The following FXYD7 variants were observed in gnomAD, a reference collection of about 807,000 sequenced individuals.
FXYD7 encodes the protein FXYD domain containing ion transport regulator 7.
Under a neutral mutation model 15.3 loss-of-function variants are expected in FXYD7, and 7 were observed. The ratio of observed to expected loss-of-function variants is 0.46; its 90% CI spans 0.26 to 0.86. The LOEUF (loss-of-function observed/expected upper bound fraction) is 0.86, where lower values mean the gene tolerates loss of function less well. Among genes scored for constraint, FXYD7 ranks in the 40% least tolerant of loss-of-function variants. The pLI is 0.16. For synonymous variants in FXYD7, 39 were observed against 39.3 expected (o/e 0.99, Z 0.03); for missense variants, 78 against 100.6 (o/e 0.78, Z 0.96).
chr19:35,145,058 AC>A (rs1318057997), intron 1 of FXYD7, among the ~76,000 whole-genome samples: 4 of 151,944 alleles, frequency 2.6e-5, no homozygotes, highest in Non-Finnish European at 5.9e-5. Flanking sequence ...CCTGAAATGG[AC>A]CCTTAGCTTG....
At chr19:35,147,598 T>C (rs1442378711) in intron 1 of FXYD7, among the ~76,000 whole-genome samples, 1 of 152,136 alleles carries the variant, frequency 6.6e-6, no homozygotes, top group African/African-American at 2.4e-5. Flanking sequence ...ATGGGGACAT[T>C]TCACGTGGTA....
chr19:35,144,646 G>T (rs1284397453), intron 1 of FXYD7, among the ~76,000 whole-genome samples: 3 of 147,744 alleles, frequency 2.0e-5, no homozygotes, highest in Non-Finnish European at 4.5e-5. Context: ...CAGGGCGGGG[G>T]GTGGGGGGGG....
chr19:35,153,033 C>CTTTTTTTT lies in FXYD7; in HGVS notation c.221-839_221-832dup, dbSNP rs954084904. Among the ~76,000 whole-genome samples the CTTTTTTTT allele has an allele frequency of 7.2e-4, 32 of 44,138 alleles. 4 individuals are homozygous for CTTTTTTTT. The highest frequency in any genetic ancestry group is 2.3e-3 in the African/African-American group (22 of 9,630). 29.0% of individuals were successfully genotyped at this position (44,138 alleles called of 152,430 possible). On this transcript the variant is annotated intron_variant, in intron 5 of 5. Coordinates refer to ENST00000270310, the MANE Select transcript of FXYD7 (RefSeq NM_022006.2). ...TTGGTGTGGAATTTGTTTCACGTTC[C>CTTTTTTTT]TTTTTTTTTTTTTTTTTTTTTTTTT...
chr19:35,144,506 AG>A (rs747567531), intron 1 of FXYD7, among the ~76,000 whole-genome samples: 6 of 152,184 alleles, frequency 3.9e-5, no homozygotes, highest in Non-Finnish European at 8.8e-5. Context: ...CACTGAGGGC[AG>A]GGGACCAGGG....
chr19:35,149,868 G>C (rs1187028746), intron 2 of FXYD7, among the ~76,000 whole-genome samples: 1 of 152,208 alleles, frequency 6.6e-6, no homozygotes, highest in Non-Finnish European at 1.5e-5. Flanking sequence ...GCTGAGGCAG[G>C]AGGATCGCTC....
At chr19:35,152,285 C>A (rs142733872) in intron 5 of FXYD7, among the ~76,000 whole-genome samples, 2 of 150,732 alleles carry the variant, frequency 1.3e-5, no homozygotes, top group African/African-American at 4.9e-5. Context: ...AATGCTCAAG[C>A]CTATAAAAGC....
In FXYD7 at chr19:35,151,304, C is replaced by A; in HGVS notation, c.112C>A (p.Leu38Met). The A allele has an allele frequency of 6.2e-7, 1 of 1,610,104 alleles. No homozygotes were observed. Among genetic ancestry groups the A allele is most frequent in the African/African-American group, 1.3e-5 (1 of 74,916 alleles). ...VGMTLATILFLLGILIVISKK... is the reference protein window; with the variant it reads ...VGMTLATILFMLGILIVISKK... ...CATGACTCTGGCAACCATCTTGTTC[C>A]TGCTGGGTATCCTCATCGTCATCAG... Residue 38 changes from leucine to methionine, a missense_variant, in exon 3 of 6, where the codon CTG (leucine) becomes ATG (methionine). Leu to Met is a conservative substitution (Grantham distance 15). Transcript: ENST00000270310.
In FXYD7 at chr19:35,143,427, G is replaced by A; in HGVS notation, c.31+63G>A. The stretch of plus-strand genomic sequence containing the variant: ...CGGGATCTGAGAGCCTAGGAGAGAG[G>A]GTGTCGGGAGATTCAAGCAATGGTA... On this transcript the variant is annotated intron_variant, in intron 1 of 5. Transcript: ENST00000270310. This position sits in a 1 kb window ranked among gnomAD's most constrained non-coding sequence, Gnocchi z 4.3. 8.0e-7 allele frequency: 1 copy of A among 1,254,928 alleles called. No individual in the cohort carries two copies. Among genetic ancestry groups the A allele is most frequent in the Non-Finnish European group, 1.1e-6 (1 of 930,528 alleles). The allele number at this position is 1,254,928 out of a possible 1,614,324, so 77.7% of individuals were successfully genotyped here.
rs1600489872 is a variant in FXYD7 at position 35,143,665 on chromosome 19, T to G, written c.31+301T>G. Among the ~76,000 whole-genome samples, 1 of 151,878 alleles carries G rather than the reference T, an allele frequency of 6.6e-6. No homozygotes were observed. The highest frequency in any genetic ancestry group is 2.1e-4 in the South Asian group (1 of 4,810). Reference sequence around the variant, plus strand: ...GGTGGCTGGTCCCGCACCGTGGTGGTAGCAGACGGGGAAGAGATGAGCTTG... The same window carrying G: ...GGTGGCTGGTCCCGCACCGTGGTGGGAGCAGACGGGGAAGAGATGAGCTTG... On this transcript the variant is annotated intron_variant, in intron 1 of 5. Transcript: ENST00000270310. This position sits in a 1 kb window ranked among gnomAD's most constrained non-coding sequence, Gnocchi z 4.3.
intron 5 of FXYD7, among the ~76,000 whole-genome samples, chr19:35,152,955 AAAAAAAAAAAAT>A (rs2065318542): frequency 9.0e-6 from 1 of 111,632 alleles, no homozygotes; most frequent in Admixed American, 9.2e-5. Flanking sequence ...AAAAAAAAAA[AAAAAAAAAAAAT>A]GCGGGAGGGG....
intron 5 of FXYD7, among the ~76,000 whole-genome samples, chr19:35,152,930 T>C (rs1030782465): frequency 8.1e-6 from 1 of 123,520 alleles, no homozygotes; most frequent in African/African-American, 2.9e-5. Flanking sequence ...TCTTATAAAG[T>C]TCTTATAACT....
rs954084904 is a variant in FXYD7, at chr19:35,153,033, CTTTTTTTT to C, written c.221-839_221-832del. ...TTGGTGTGGAATTTGTTTCACGTTC[CTTTTTTTT>C]TTTTTTTTTTTTTTTTTTTTTGAGA... is the stretch of plus-strand genomic sequence containing the variant. On this transcript the variant is annotated intron_variant, in intron 5 of 5. Transcript: ENST00000270310. Among the ~76,000 whole-genome samples the C allele has an allele frequency of 1.2e-3, 52 of 44,140 alleles. No individual in the cohort carries two copies. The South Asian group carries it at 0.014, about 12-fold the overall frequency. 29.0% of individuals were successfully genotyped at this position (44,140 alleles called of 152,430 possible). A position where few individuals can be genotyped will look rare whatever the true frequency, so the allele number is the denominator to read the frequency against.
chr19:35,154,005 C>T lies in FXYD7; in HGVS notation c.*89C>T, dbSNP rs530217114. 7.7e-7 allele frequency: 1 copy of T among 1,306,878 alleles called. No homozygotes were observed. The highest frequency in any genetic ancestry group is 1.1e-6 in the Non-Finnish European group (1 of 919,440). The allele number at this position is 1,306,878 out of a possible 1,614,324, so 81.0% of individuals were successfully genotyped here. ...AGGCGGTGGGGACCCAGCCGCGCGC[C>T]GGGAGCGCTCCCCGGAATGAGCCGC... On this transcript the variant is annotated 3_prime_UTR_variant, in exon 6 of 6. Transcript: ENST00000270310.
rs1555737607 is a variant in FXYD7 at position 35,153,033 on chromosome 19, C to CTTTGTTTTTTTTTTTTTTTTTTTTTTTT, written c.221-858_221-857insGTTTTTTTTTTTTTTTTTTTTTTTTTTT. 9.3e-4 allele frequency among the ~76,000 whole-genome samples: 41 copies of CTTTGTTTTTTTTTTTTTTTTTTTTTTTT among 44,138 alleles called. 11 individuals carry two copies. Among genetic ancestry groups the CTTTGTTTTTTTTTTTTTTTTTTTTTTTT allele is most frequent in the South Asian group, 2.7e-3 (3 of 1,112 alleles). 29.0% of individuals were successfully genotyped at this position (44,138 alleles called of 152,430 possible). On this transcript the variant is annotated intron_variant, in intron 5 of 5. Transcript: ENST00000270310. ...TTGGTGTGGAATTTGTTTCACGTTCCTTTTTTTTTTTTTTTTTTTTTTTTT... is the reference window on the plus strand; with the variant it reads ...TTGGTGTGGAATTTGTTTCACGTTCCTTTGTTTTTTTTTTTTTTTTTTTTTTTTTTTTTTTTTTTTTTTTTTTTTTTTT...
At chr19:35,148,956 G>T (rs1191828319) in intron 2 of FXYD7, 1 of 667,120 alleles carries the variant, frequency 1.5e-6, no homozygotes, top group Non-Finnish European at 2.8e-6. Context: ...ACCGGGATCT[G>T]GGCTGGTGCC....
rs1268464224 is a variant in FXYD7 at position 35,143,838 on chromosome 19, C to T, written c.31+474C>T. 6.6e-6 allele frequency among the ~76,000 whole-genome samples: 1 copy of T among 152,068 alleles called. No individual in the cohort carries two copies. Among genetic ancestry groups the T allele is most frequent in the African/African-American group, 2.4e-5 (1 of 41,384 alleles). ...GTCTGTTTCCTGAAACCCTTGACAG[C>T]CAGGTTCAGAGGAAAGGAGTGAGAG... On this transcript the variant is annotated intron_variant, in intron 1 of 5. Transcript: ENST00000270310. This position sits in a 1 kb window ranked among gnomAD's most constrained non-coding sequence, Gnocchi z 4.3.
At chr19:35,153,821 G>T in intron 5 of FXYD7, 73 bp from the exon 6 acceptor site, 1 of 1,429,018 alleles carries the variant, frequency 7.0e-7, no homozygotes. Flanking sequence ...CCGGGGAATG[G>T]AGAGCCAACG....
chr19:35,144,847 G>T (rs369948955), intron 1 of FXYD7, among the ~76,000 whole-genome samples: 1 of 152,100 alleles, frequency 6.6e-6, no homozygotes, highest in African/African-American at 2.4e-5. Flanking sequence ...GCATGACAGG[G>T]GACCGCAGGT....
At chr19:35,147,776 C>T (rs1326555000) in intron 1 of FXYD7, among the ~76,000 whole-genome samples, 4 of 151,814 alleles carry the variant, frequency 2.6e-5, no homozygotes, top group African/African-American at 9.7e-5. Flanking sequence ...GGCAGATCAT[C>T]GGAGGTCAGG....
Sources: allele counts gnomAD v4.1 joint callset (sites outside exome capture counted in the v4.1 genomes callset), GRCh38; gene constraint gnomAD v4.1.1; non-coding constraint Gnocchi (gnomAD v3.1); transcripts MANE v1.5; gene names NCBI Gene and HGNC (gene_info 2026-07-23, HGNC 2026-07-21).